The following DLGAP2 variants were observed in gnomAD, a reference collection of about 807,000 sequenced individuals.
DLGAP2 encodes the protein DLG associated protein 2, also known as disks large-associated protein 2.
In DLGAP2, 26 loss-of-function variants were observed where a neutral mutation model predicts 100.3. The observed-to-expected ratio is 0.26, with a 90% CI of 0.19 to 0.36. DLGAP2 has a LOEUF of 0.36. Among genes scored for constraint, DLGAP2 ranks in the 10% least tolerant of loss-of-function variants. The pLI is 1.00. For missense variants in DLGAP2, 1,858 were observed against 1,453.2 expected, an observed-to-expected ratio of 1.28 and a Z score of -4.53; for synonymous variants, 886 against 630.1, an observed-to-expected ratio of 1.41 and a Z score of -6.08.
Position 1,449,730 on chromosome 8 carries a change from T to C in DLGAP2, c.107-51636T>C, listed in dbSNP as rs187364292. On this transcript the variant is annotated intron_variant, in intron 3 of 14. Coordinates refer to ENST00000637795, the MANE Select transcript of DLGAP2 (RefSeq NM_001346810.2). ...CACCAGCTGCCAGGACAAGCCTTGC[T>C]GTAAGGATGCAGGATGCGAATGGGA... 4.2e-3 allele frequency among the ~76,000 whole-genome samples: 633 copies of C among 152,098 alleles called. 2 individuals carry two copies. The highest frequency in any genetic ancestry group is 6.7e-3 in the Non-Finnish European group (457 of 67,928).
intron 2 of DLGAP2, among the ~76,000 whole-genome samples, chr8:1,040,360 G>GTGCGTGGTCGGCTCAGTT (rs1802302415): frequency 7.2e-6 from 1 of 138,416 alleles, no homozygotes; most frequent in Admixed American, 7.2e-5. Context: ...TCGGCTCAGT[G>GTGCGTGGTCGGCTCAGTT]TGCGTGGTCA....
chr8:1,020,133 G>A (rs1801587445), intron 2 of DLGAP2, among the ~76,000 whole-genome samples: 1 of 152,120 alleles, frequency 6.6e-6, no homozygotes, highest in Non-Finnish European at 1.5e-5. Context: ...AATTATTCAA[G>A]TATCCATACA....
intron 2 of DLGAP2, among the ~76,000 whole-genome samples, chr8:951,787 G>T (rs527533844): frequency 6.6e-6 from 1 of 152,320 alleles, no homozygotes; most frequent in Admixed American, 6.5e-5. Context: ...TTTAAAGGAG[G>T]AGAGTAACTA....
chr8:1,052,780 TA>T (rs1353642088), intron 2 of DLGAP2, among the ~76,000 whole-genome samples: 1 of 152,114 alleles, frequency 6.6e-6, no homozygotes, highest in African/African-American at 2.4e-5. Flanking sequence ...GTTTTTAACA[TA>T]TAAGAGAGGC....
intron 2 of DLGAP2, among the ~76,000 whole-genome samples, chr8:1,074,373 G>T (rs1469883658): frequency 6.6e-6 from 1 of 152,212 alleles, no homozygotes; most frequent in African/African-American, 2.4e-5. Context: ...CACTGTCACA[G>T]AAGGGTTTGC....
In DLGAP2 at chr8:1,663,454, G is replaced by A. The variant is rs560588441; in HGVS notation, c.1811-4875G>A. Reference sequence around the variant, plus strand: ...GCTTATCTCCGCTTCGTGGGACGCCGGACACCGCAGAGCACCCTCAGACAG... The same window carrying A: ...GCTTATCTCCGCTTCGTGGGACGCCAGACACCGCAGAGCACCCTCAGACAG... On this transcript the variant is annotated intron_variant, in intron 8 of 14. Transcript: ENST00000637795. 2.0e-5 allele frequency among the ~76,000 whole-genome samples: 3 copies of A among 152,166 alleles called. 1 individual carries two copies. The highest frequency in any genetic ancestry group is 4.8e-5 in the African/African-American group (2 of 41,486).
At chr8:1,645,465 C>G (rs1334304046) in intron 8 of DLGAP2, among the ~76,000 whole-genome samples, 1 of 152,214 alleles carries the variant, frequency 6.6e-6, no homozygotes, top group African/African-American at 2.4e-5. Flanking sequence ...AAACGTGTTT[C>G]CCACTTACGA....
intron 2 of DLGAP2, among the ~76,000 whole-genome samples, chr8:960,786 C>G (rs187113346): frequency 1.1e-3 from 165 of 152,262 alleles, no homozygotes; most frequent in African/African-American, 3.9e-3. Context: ...GCATTTAATA[C>G]TCTGATAAGC....
At chr8:898,607 T>C (rs1049207756) in intron 1 of DLGAP2, among the ~76,000 whole-genome samples, 1 of 152,078 alleles carries the variant, frequency 6.6e-6, no homozygotes, top group African/African-American at 2.4e-5. Context: ...GCGCCTGCCT[T>C]TTGGGACTCC....
chr8:1,213,767 C>A (rs915551972), intron 2 of DLGAP2, among the ~76,000 whole-genome samples: 9 of 152,276 alleles, frequency 5.9e-5, no homozygotes, highest in Middle Eastern at 3.4e-3. Context: ...TTCTGGACAC[C>A]AGCATCCATC....
chr8:759,888 G>A (rs1821035988), intron 1 of DLGAP2, among the ~76,000 whole-genome samples: 1 of 152,178 alleles, frequency 6.6e-6, no homozygotes, highest in Non-Finnish European at 1.5e-5. Context: ...TCTAGGCAGT[G>A]TCAGTTGACA....
chr8:1,096,491 G>C (rs1012996863), intron 2 of DLGAP2, among the ~76,000 whole-genome samples: 5 of 151,958 alleles, frequency 3.3e-5, no homozygotes, highest in African/African-American at 7.3e-5. Context: ...CCAGAGTCGA[G>C]GGACTCATCA....
intron 2 of DLGAP2, among the ~76,000 whole-genome samples, chr8:1,099,035 A>G (rs1243567616): frequency 6.6e-6 from 1 of 152,194 alleles, no homozygotes; most frequent in East Asian, 1.9e-4. Context: ...CTCTGGGGCT[A>G]GTGTGTATTT....
intron 2 of DLGAP2, among the ~76,000 whole-genome samples, chr8:1,121,428 C>T (rs1462277902): frequency 6.6e-6 from 1 of 151,980 alleles, no homozygotes; most frequent in Non-Finnish European, 1.5e-5. Flanking sequence ...AACCCCTGAC[C>T]ACCCATCCTC....
chr8:1,337,943 C>T (rs138525624), intron 3 of DLGAP2, among the ~76,000 whole-genome samples: 134 of 152,320 alleles, frequency 8.8e-4, no homozygotes, highest in African/African-American at 3.0e-3. Context: ...GGAAGCTCAA[C>T]ATCATGAGTC....
chr8:1,365,192 G>A (rs1802081526), intron 3 of DLGAP2, among the ~76,000 whole-genome samples: 1 of 152,178 alleles, frequency 6.6e-6, no homozygotes, highest in Admixed American at 6.5e-5. Flanking sequence ...GGACCTGGGT[G>A]GTCACTTCTA....
At chr8:964,864 C>T (rs547375731) in intron 2 of DLGAP2, among the ~76,000 whole-genome samples, 18 of 152,332 alleles carry the variant, frequency 1.2e-4, no homozygotes, top group South Asian at 4.1e-4. Flanking sequence ...CCTTTGGCTC[C>T]GCCTGTGGCC....
At chr8:1,296,218 G>T (rs1028493363) in intron 3 of DLGAP2, 2 of 152,068 alleles carry the variant, frequency 1.3e-5, no homozygotes, top group Admixed American at 6.5e-5. Flanking sequence ...ATGACCGAGA[G>T]GTTAGAAATC....
chr8:1,465,140 C>G (rs1274584627), intron 3 of DLGAP2, among the ~76,000 whole-genome samples: 1 of 152,198 alleles, frequency 6.6e-6, no homozygotes, highest in East Asian at 1.9e-4. Flanking sequence ...GCTGGGTCCC[C>G]AAGACCACCC....
Sources: allele counts gnomAD v4.1 joint callset (sites outside exome capture counted in the v4.1 genomes callset), GRCh38; gene constraint gnomAD v4.1.1; transcripts MANE v1.5; gene names NCBI Gene and HGNC (gene_info 2026-07-23, HGNC 2026-07-21).